SLC24A2: variants seen among roughly 807,000 people sequenced by gnomAD.
SLC24A2 encodes solute carrier family 24 member 2.
In SLC24A2, 36 loss-of-function variants were observed where a neutral mutation model predicts 62.0. The observed-to-expected ratio is 0.58, with a 90% CI of 0.44 to 0.77. The LOEUF (loss-of-function observed/expected upper bound fraction) is 0.77, where lower values mean the gene tolerates loss of function less well. Among genes scored for constraint, SLC24A2 ranks in the 30% least tolerant of loss-of-function variants. The pLI is 0.00. For missense variants in SLC24A2, 846 were observed against 817.9 expected (o/e 1.03, Z -0.42); for synonymous variants, 358 against 294.0 (o/e 1.22, Z -2.23).
chr9:20,083,470 T>A, the SLC24A2 span, among the ~76,000 whole-genome samples: 1 of 152,242 alleles, frequency 6.6e-6, no homozygotes, highest in South Asian at 2.1e-4. Flanking sequence ...GGGGTCAAAG[T>A]TGGAAGCAAA....
chr9:20,022,842 C>G, the SLC24A2 span, among the ~76,000 whole-genome samples: 1 of 152,142 alleles, frequency 6.6e-6, no homozygotes, highest in Non-Finnish European at 1.5e-5. Flanking sequence ...CATTACAGAT[C>G]TGATAAAAAA....
chr9:19,705,198 A>G (rs1399022295), intron 2 of SLC24A2: 6 of 152,226 alleles, frequency 3.9e-5, no homozygotes, highest in Admixed American at 3.9e-4. Flanking sequence ...TAAATGACAT[A>G]ATGCAAATAA....
At chr9:19,678,478 C>A (rs1819621341) in intron 2 of SLC24A2, among the ~76,000 whole-genome samples, 1 of 152,196 alleles carries the variant, frequency 6.6e-6, no homozygotes, top group Non-Finnish European at 1.5e-5. Flanking sequence ...CTTTTGATTT[C>A]TCTTTAACTT....
chr9:20,034,993 AAT>A, the SLC24A2 span, among the ~76,000 whole-genome samples: 1 of 152,206 alleles, frequency 6.6e-6, no homozygotes, highest in African/African-American at 2.4e-5. Flanking sequence ...CCCAAGAAAA[AAT>A]ATAGTTAAAA....
the SLC24A2 span, among the ~76,000 whole-genome samples, chr9:19,936,413 A>G: frequency 6.6e-6 from 1 of 152,146 alleles, no homozygotes; most frequent in Admixed American, 6.5e-5. Context: ...AGCTGTGACT[A>G]CAAGTGTACA....
chr9:19,827,045 C>T, the SLC24A2 span, among the ~76,000 whole-genome samples: 1 of 152,142 alleles, frequency 6.6e-6, no homozygotes, highest in East Asian at 1.9e-4. Flanking sequence ...GACTTTCCTA[C>T]ACTCTTGCTT....
At chr9:20,299,928 T>C in the SLC24A2 span, among the ~76,000 whole-genome samples, 6 of 152,350 alleles carry the variant, frequency 3.9e-5, no homozygotes, top group African/African-American at 1.2e-4. Context: ...TACACAGTAT[T>C]CAATAACTCT....
the SLC24A2 span, among the ~76,000 whole-genome samples, chr9:20,255,136 C>A: frequency 6.1e-4 from 93 of 152,286 alleles, 1 homozygote; most frequent in East Asian, 0.017. Flanking sequence ...TGAAATGTGA[C>A]CAAAGTTCAG....
intron 10 of SLC24A2, 40 bp from the exon 11 acceptor site, chr9:19,516,442 C>A (rs191832503): frequency 1.9e-6 from 3 of 1,609,416 alleles, no homozygotes; most frequent in Admixed American, 1.7e-5. Context: ...AGTGGGAAGA[C>A]AAGGGAGTAG....
At chr9:20,284,773 G>T in the SLC24A2 span, among the ~76,000 whole-genome samples, 3 of 152,138 alleles carry the variant, frequency 2.0e-5, no homozygotes, top group East Asian at 5.8e-4. Flanking sequence ...TAGTAGGGTG[G>T]GGTCCTCAGC....
chr9:19,893,186 A>G, the SLC24A2 span, among the ~76,000 whole-genome samples: 2 of 152,170 alleles, frequency 1.3e-5, no homozygotes, highest in Admixed American at 6.5e-5. Flanking sequence ...GTATTATCTT[A>G]GGGTAGGATA....
the SLC24A2 span, among the ~76,000 whole-genome samples, chr9:20,224,664 G>GAGAAT: frequency 1.3e-5 from 2 of 151,798 alleles, no homozygotes; most frequent in Admixed American, 6.6e-5. Flanking sequence ...GAGAAGAGAA[G>GAGAAT]AGGGGAGGGG....
chr9:20,258,063 C>G, the SLC24A2 span, among the ~76,000 whole-genome samples: 1 of 152,190 alleles, frequency 6.6e-6, no homozygotes, highest in Non-Finnish European at 1.5e-5. Flanking sequence ...TCCCTAAACT[C>G]CTCTCCCAAC....
the SLC24A2 span, among the ~76,000 whole-genome samples, chr9:20,268,033 G>C: frequency 1.3e-5 from 2 of 152,062 alleles, no homozygotes; most frequent in Non-Finnish European, 2.9e-5. Flanking sequence ...CCACAGCCAC[G>C]TTATCTGCTA....
the SLC24A2 span, among the ~76,000 whole-genome samples, chr9:20,070,505 GA>G: frequency 6.6e-6 from 1 of 152,228 alleles, no homozygotes; most frequent in Non-Finnish European, 1.5e-5. Flanking sequence ...ATGAACCAAA[GA>G]AACCGCAGGC....
chr9:19,702,332 C>A (rs1169645000), intron 2 of SLC24A2, among the ~76,000 whole-genome samples: 1 of 152,094 alleles, frequency 6.6e-6, no homozygotes, highest in African/African-American at 2.4e-5. Context: ...ATTCACAAAC[C>A]TTCTCCCAGT....
intron 4 of SLC24A2, among the ~76,000 whole-genome samples, chr9:19,597,737 C>A (rs192760493): frequency 6.6e-5 from 10 of 152,310 alleles, no homozygotes; most frequent in East Asian, 1.9e-4. Flanking sequence ...CCAACAGAAC[C>A]ATTTCCTAGA....
the SLC24A2 span, among the ~76,000 whole-genome samples, chr9:20,046,270 T>G: frequency 1.3e-5 from 2 of 152,178 alleles, no homozygotes; most frequent in Non-Finnish European, 2.9e-5. Context: ...ATCTTCATAC[T>G]GTCTAATTGC....
At chr9:19,854,710 A>G in the SLC24A2 span, among the ~76,000 whole-genome samples, 1 of 152,178 alleles carries the variant, frequency 6.6e-6, no homozygotes, top group Non-Finnish European at 1.5e-5. Flanking sequence ...TTTACTTCCA[A>G]TTATGTGATC....
Sources: gnomAD v4.1 joint callset for allele counts (sites outside exome capture counted in the v4.1 genomes callset) on GRCh38, gnomAD v4.1.1 for gene constraint, MANE v1.5 for transcripts, NCBI Gene and HGNC (gene_info 2026-07-23, HGNC 2026-07-21) for gene names.